The following ODF2L variants were observed in gnomAD, a reference collection of about 807,000 sequenced individuals.
ODF2L encodes outer dense fiber of sperm tails 2 like.
ODF2L carries 76 observed loss-of-function variants against 86.3 expected under a neutral mutation model. That is an observed-to-expected ratio of 0.88 (90% CI 0.73 to 1.07). The LOEUF (loss-of-function observed/expected upper bound fraction) is 1.07. Ranked by LOEUF, ODF2L falls within the 50% of genes least tolerant of loss-of-function variation. The pLI is 0.00. For synonymous variants in ODF2L, 241 were observed against 231.3 expected, an observed-to-expected ratio of 1.04 and a Z score of -0.38; for missense variants, 748 against 717.4, an observed-to-expected ratio of 1.04 and a Z score of -0.49.
At chr1:86,377,991 C>G (rs1660295173) in intron 7 of ODF2L, among the ~76,000 whole-genome samples, 1 of 152,186 alleles carries the variant, frequency 6.6e-6, no homozygotes, top group Non-Finnish European at 1.5e-5. Context: ...TGCAAATTTT[C>G]CAAACTTTTA....
chr1:86,372,779 C>T (rs1484974420), intron 8 of ODF2L, among the ~76,000 whole-genome samples: 1 of 152,176 alleles, frequency 6.6e-6, no homozygotes, highest in Non-Finnish European at 1.5e-5. Context: ...ATATATCCAT[C>T]ATGGAATACT....
exon 6 of ODF2L, chr1:86,382,935 T>A (rs1329960846): frequency 2.0e-6 from 3 of 1,533,920 alleles, no homozygotes; most frequent in Non-Finnish European, 2.7e-6. Flanking sequence ...GCTTACCTTT[T>A]CACTCTGAAA....
intron 6 of ODF2L, 47 bp downstream of exon 6, chr1:86,382,884 C>A: frequency 2.3e-6 from 2 of 873,798 alleles, no homozygotes; most frequent in South Asian, 2.9e-5. Flanking sequence ...AAAAGGGAGT[C>A]AATATTAATA....
intron 12 of ODF2L, among the ~76,000 whole-genome samples, chr1:86,359,359 C>G (rs1658839619): frequency 6.6e-6 from 1 of 152,080 alleles, no homozygotes; most frequent in African/African-American, 2.4e-5. Flanking sequence ...AATAACAAGT[C>G]CCACAGTCCA....
exon 13 of ODF2L, chr1:86,358,879 G>T: frequency 1.3e-6 from 2 of 1,513,006 alleles, no homozygotes; most frequent in Non-Finnish European, 1.8e-6. Context: ...GCTGCTTCTT[G>T]CAACTTTTGT....
At chr1:86,378,337 C>A (rs768635718) in intron 7 of ODF2L, among the ~76,000 whole-genome samples, 4 of 152,176 alleles carry the variant, frequency 2.6e-5, no homozygotes, top group Non-Finnish European at 4.4e-5. Flanking sequence ...ATTCAACAAG[C>A]CTCTAGGAAG....
intron 1 of ODF2L, among the ~76,000 whole-genome samples, 194 bp from the exon 2 acceptor site, chr1:86,387,280 C>A (rs1044761901): frequency 1.3e-5 from 2 of 152,082 alleles, no homozygotes; most frequent in African/African-American, 4.8e-5. Flanking sequence ...TCAACAATTG[C>A]CAATTTCCAT....
At chr1:86,390,744 T>C (rs1279467640) in intron 1 of ODF2L, among the ~76,000 whole-genome samples, 1 of 152,152 alleles carries the variant, frequency 6.6e-6, no homozygotes, top group Non-Finnish European at 1.5e-5. Context: ...TGGGGAAAAG[T>C]TGAAAGCATT....
At chr1:86,391,238 A>C (rs1263395415) in intron 1 of ODF2L, among the ~76,000 whole-genome samples, 1 of 152,248 alleles carries the variant, frequency 6.6e-6, no homozygotes, top group Admixed American at 6.5e-5. Context: ...GGGTCAAATC[A>C]ATATTGTGAA....
intron 1 of ODF2L, 94 bp from the exon 2 acceptor site, chr1:86,387,180 A>G: frequency 2.2e-6 from 1 of 462,588 alleles, no homozygotes. Context: ...TGTGTAAAAG[A>G]ATAACATTTC....
chr1:86,376,105 G>A (rs1032148358), intron 8 of ODF2L, 128 bp downstream of exon 8: 7 of 478,358 alleles, frequency 1.5e-5, no homozygotes, highest in African/African-American at 1.4e-4. Context: ...AGCAAAAAGT[G>A]TAAGTTTTTT....
intron 11 of ODF2L, among the ~76,000 whole-genome samples, chr1:86,361,386 G>A (rs955150920): frequency 1.3e-5 from 2 of 152,182 alleles, no homozygotes; most frequent in Non-Finnish European, 2.9e-5. Context: ...TCTTATAGCA[G>A]GCAGTGAGCA....
chr1:86,388,573 C>CTT (rs966911952), intron 1 of ODF2L, among the ~76,000 whole-genome samples: 7 of 150,550 alleles, frequency 4.6e-5, no homozygotes, highest in Non-Finnish European at 1.0e-4. Context: ...TAAAGACTGC[C>CTT]TTTTTTTTTA....
intron 10 of ODF2L, among the ~76,000 whole-genome samples, chr1:86,369,548 A>G (rs1659655930): frequency 6.6e-6 from 1 of 152,164 alleles, no homozygotes; most frequent in South Asian, 2.1e-4. Context: ...GCTTTGTCCC[A>G]TTGGTCTAAA....
rs754214043 is a variant in ODF2L at position 86,354,542 on chromosome 1, T to G, written c.1755A>C (p.Glu585Asp). 7 of 1,594,834 alleles carry G rather than the reference T, an allele frequency of 4.4e-6. No homozygotes were observed. Among genetic ancestry groups the G allele is most frequent in the Non-Finnish European group, 5.1e-6 (6 of 1,171,616 alleles). ...AGGCCATGCATACCTTTTGTCTTCCTTCTTCTAAAGCAGCTTCCAGTTGTC... is the reference window on the plus strand; with the variant it reads ...AGGCCATGCATACCTTTTGTCTTCCGTCTTCTAAAGCAGCTTCCAGTTGTC... The change falls in exon 16 of 18, where the codon GAA becomes GAC. Residue 585 changes from glutamate to aspartate, a missense_variant. Glu to Asp is a conservative substitution (Grantham distance 45). Transcript: ENST00000317336.
In ODF2L at chr1:86,356,465, GGTGTGTTCCT is replaced by G. The variant is rs1558007867; in HGVS notation, c.1487_1496del (p.Gln496ProfsTer16). ...ACACCTGGCCCTGAAGCTCCCTAAT[GGTGTGTTCCT>G]GGTCTGCACACTTCCCCTTGCAGCA... On this transcript the variant is annotated frameshift_variant, in exon 14 of 18. Coordinates refer to ENST00000317336, the Ensembl canonical transcript of ODF2L. LOFTEE classifies it high-confidence loss of function. 6.2e-7 allele frequency: 1 copy of G among 1,611,834 alleles called. No individual in the cohort carries two copies. Among genetic ancestry groups the G allele is most frequent in the Non-Finnish European group, 8.5e-7 (1 of 1,178,798 alleles).
intron 16 of ODF2L, 81 bp from the exon 16 acceptor site, chr1:86,353,065 T>A (rs1464840781): frequency 2.3e-6 from 2 of 886,186 alleles, no homozygotes; most frequent in Non-Finnish European, 3.5e-6. Context: ...ATTGTACCTT[T>A]TTTCTAAACA....
chr1:86,378,648 C>T (rs1660342592), intron 7 of ODF2L, among the ~76,000 whole-genome samples: 2 of 152,110 alleles, frequency 1.3e-5, no homozygotes, highest in Admixed American at 1.3e-4. Context: ...ACCTTCTTCA[C>T]ATGGCAGCAG....
At chr1:86,383,586 C>G (rs1284404383) in intron 4 of ODF2L, among the ~76,000 whole-genome samples, 1 of 151,632 alleles carries the variant, frequency 6.6e-6, no homozygotes, top group Non-Finnish European at 1.5e-5. Context: ...AGAATTACAG[C>G]AAATCAGTAA....
Sources: allele counts gnomAD v4.1 joint callset (sites outside exome capture counted in the v4.1 genomes callset), GRCh38; gene constraint gnomAD v4.1.1; transcripts MANE v1.5; gene names NCBI Gene and HGNC (gene_info 2026-07-23, HGNC 2026-07-21).